OTOGL: variants seen among roughly 807,000 people sequenced by gnomAD.
OTOGL encodes the protein otogelin like, also known as otogelin-like protein.
Under a neutral mutation model 318.5 loss-of-function variants are expected in OTOGL, and 285 were observed. The ratio of observed to expected loss-of-function variants is 0.89; its 90% CI spans 0.81 to 0.99. The LOEUF is 0.99. Among genes scored for constraint, OTOGL ranks in the 50% least tolerant of loss-of-function variants. The pLI is 0.00. For missense variants in OTOGL, 2,899 were observed against 2,845.6 expected (o/e 1.02, Z -0.43); for synonymous variants, 987 against 936.5 (o/e 1.05, Z -0.99).
At chr12:80,137,007 A>T (rs1042418930) in intron 1 of OTOGL, among the ~76,000 whole-genome samples, 1 of 152,142 alleles carries the variant, frequency 6.6e-6, no homozygotes, top group African/African-American at 2.4e-5. Flanking sequence ...TGGCTGGATT[A>T]ATGCTGTCAG....
chr12:80,353,360 T>C lies in OTOGL; in HGVS notation c.5443T>C (p.Cys1815Arg). ...CCCAGAGGGGAAGGAATATCAACCC[T>C]GTGTGCGACCTTGTGAAGCAAGAAC... ...SCPEGKEYQP[C>R]VRPCEARTCL... The change falls in exon 46 of 59, where the codon TGT becomes CGT. Residue 1815 changes from cysteine (C) to arginine (R), a missense_variant. Cys to Arg is a radical substitution (Grantham distance 180, BLOSUM62 -3). This residue lies in a region of OTOGL where 2,607 missense variants were observed against 2,524.9 expected (regional missense o/e 1.03). Transcript: ENST00000547103. 1 of 1,595,430 alleles carries C rather than the reference T, an allele frequency of 6.3e-7. No individual in the cohort carries two copies. The highest frequency in any genetic ancestry group is 1.3e-5 in the African/African-American group (1 of 74,718).
intron 1 of OTOGL, among the ~76,000 whole-genome samples, chr12:80,193,197 A>G (rs550897167): frequency 3.3e-5 from 5 of 152,160 alleles, no homozygotes; most frequent in Non-Finnish European, 5.9e-5. Flanking sequence ...TAAACAGAAC[A>G]TAATTTAAAG....
chr12:80,264,259 T>C lies in OTOGL; in HGVS notation c.2015-742T>C, dbSNP rs188509670. On this transcript the variant is annotated intron_variant, in intron 19 of 58. Coordinates refer to ENST00000547103, the MANE Select transcript of OTOGL (RefSeq NM_001378609.3). ...TTGTTTTGTCAAACTTGGTTACTTCTATAAAGAATTATATCTGATCAGTCA... is the reference window on the plus strand; with the variant it reads ...TTGTTTTGTCAAACTTGGTTACTTCCATAAAGAATTATATCTGATCAGTCA... Among the ~76,000 whole-genome samples, 34 of 152,292 alleles carry C rather than the reference T, an allele frequency of 2.2e-4. No homozygotes were observed. In the East Asian group the frequency reaches 6.0e-3, roughly 27 times the overall value.
At position 80,313,516 on chromosome 12, in the gene OTOGL, C is replaced by A. The variant is rs778802367; in HGVS notation, c.3491C>A (p.Thr1164Lys). Residue 1164 changes from threonine to lysine, a missense_variant, in exon 31 of 59, where the codon ACA becomes AAA. Physicochemically the swap from Thr to Lys is moderately conservative, Grantham distance 78. Around this residue, in one of 3 missense-constraint regions of OTOGL, gnomAD observed 2,607 missense variants for 2,524.9 expected, o/e 1.03. Coordinates refer to ENST00000547103, the MANE Select transcript of OTOGL (RefSeq NM_001378609.3). ...TTTGCCAAAAATTGTCATGAAGATA[C>A]ATGTAACTGCAATCTTGGTGGCGAC... Reference protein sequence around the residue: ...TSFAKNCHEDTCNCNLGGDCE... With the variant: ...TSFAKNCHEDKCNCNLGGDCE... The A allele has an allele frequency of 6.2e-7, 1 of 1,612,272 alleles. No individual in the cohort carries two copies. The highest frequency in any genetic ancestry group is 1.1e-5 in the South Asian group (1 of 91,020).
At chr12:80,153,786 G>T (rs1404020564) in intron 1 of OTOGL, among the ~76,000 whole-genome samples, 1 of 152,060 alleles carries the variant, frequency 6.6e-6, no homozygotes, top group African/African-American at 2.4e-5. Flanking sequence ...TTCCCAGAAT[G>T]TCACATAGTT....
intron 29 of OTOGL, among the ~76,000 whole-genome samples, chr12:80,306,234 C>A (rs886414290): frequency 9.9e-5 from 15 of 152,138 alleles, no homozygotes; most frequent in African/African-American, 3.6e-4. Context: ...TCAAAGGTTT[C>A]TTGAGGCATT....
At chr12:80,287,074 C>G (rs547649094) in intron 26 of OTOGL, among the ~76,000 whole-genome samples, 2 of 152,014 alleles carry the variant, frequency 1.3e-5, no homozygotes, top group East Asian at 1.9e-4. Context: ...TTAGCTGTGT[C>G]CCAGAGATTC....
At chr12:80,182,564 A>T (rs1875000863) in intron 1 of OTOGL, among the ~76,000 whole-genome samples, 1 of 152,242 alleles carries the variant, frequency 6.6e-6, no homozygotes, top group South Asian at 2.1e-4. Flanking sequence ...GGCATAAATG[A>T]GAATAGGTGG....
At chr12:80,375,071 G>GC (rs1223287647) in intron 57 of OTOGL, among the ~76,000 whole-genome samples, 1 of 152,108 alleles carries the variant, frequency 6.6e-6, no homozygotes, top group Non-Finnish European at 1.5e-5. Flanking sequence ...AGCCACTTCA[G>GC]TTTCTCTCAT....
At chr12:80,288,620 C>T (rs1388754442) in intron 26 of OTOGL, among the ~76,000 whole-genome samples, 2 of 151,878 alleles carry the variant, frequency 1.3e-5, no homozygotes, top group African/African-American at 2.4e-5. Flanking sequence ...CTGATCTTGT[C>T]TTCACACTTT....
At position 80,278,284 on chromosome 12, in the gene OTOGL, A is replaced by T. The variant is rs1376384; in HGVS notation, c.2789+9A>T. On this transcript the variant is annotated intron_variant, in intron 25 of 58. Coordinates refer to ENST00000547103, the MANE Select transcript of OTOGL (RefSeq NM_001378609.3). ...ACACCGTGTTACACCTGGTAAGGAG[A>T]TCCATTTATTTCACAAATATTTTCC... The T allele has an allele frequency of 6.7e-7, 1 of 1,495,912 alleles. No individual in the cohort carries two copies. Among genetic ancestry groups the T allele is most frequent in the East Asian group, 2.5e-5 (1 of 40,550 alleles). The allele number at this position is 1,495,912 out of a possible 1,614,324, so 92.7% of individuals were successfully genotyped here. A position where few individuals can be genotyped will look rare whatever the true frequency, so the allele number is the denominator to read the frequency against.
chr12:80,100,621 T>C (rs1869082683), intron 1 of OTOGL, among the ~76,000 whole-genome samples: 1 of 152,154 alleles, frequency 6.6e-6, no homozygotes, highest in Admixed American at 6.6e-5. Context: ...ACTCTGTTAA[T>C]CTGTGTTTAG....
In OTOGL at chr12:80,265,148, A is replaced by C. The variant is rs775896067; in HGVS notation, c.2162A>C (p.Tyr721Ser). The change falls in exon 20 of 59, where the codon TAT becomes TCT. Residue 721 changes from tyrosine to serine, a missense_variant. Coordinates refer to ENST00000547103, the MANE Select transcript of OTOGL (RefSeq NM_001378609.3). ...TGCCTGTGCAATGCTCTTGCCCACT[A>C]TGCCTACCTCTGCGGCCAGCACGGT... is the stretch of plus-strand genomic sequence containing the variant. Reference protein sequence around the residue: ...SSCLCNALAHYAYLCGQHGVP... With the variant: ...SSCLCNALAHSAYLCGQHGVP... 1.2e-6 allele frequency: 2 copies of C among 1,613,766 alleles called. No individual in the cohort carries two copies. Among genetic ancestry groups the C allele is most frequent in the African/African-American group, 2.7e-5 (2 of 74,944 alleles).
At chr12:80,164,072 C>A (rs912163733) in intron 1 of OTOGL, among the ~76,000 whole-genome samples, 2 of 151,998 alleles carry the variant, frequency 1.3e-5, no homozygotes, top group African/African-American at 4.8e-5. Context: ...AATAGGGTAC[C>A]CAAAATCTTG....
At chr12:80,367,813 G>A in intron 54 of OTOGL, 74 bp downstream of exon 54, 1 of 998,640 alleles carries the variant, frequency 1.0e-6, no homozygotes. Flanking sequence ...AATTTGAAAT[G>A]GTGAATACTC....
In OTOGL at chr12:80,320,533, G is replaced by C; in HGVS notation, c.3914G>C (p.Arg1305Pro). 1 of 1,613,530 alleles carries C rather than the reference G, an allele frequency of 6.2e-7. No individual in the cohort carries two copies. The highest frequency in any genetic ancestry group is 8.5e-7 in the Non-Finnish European group (1 of 1,179,696). ...ELWEANSAFH[R>P]RATFFHHQGL... ...TGGGAGGCGAATTCAGCCTTTCATC[G>C]GAGAGCAACATTTTTCCACCATCAG... The change falls in exon 34 of 59, where the codon CGG becomes CCG. Residue 1305 changes from arginine (R) to proline (P), a missense_variant. Transcript: ENST00000547103.
chr12:80,136,532 ACT>A (rs1260368916), intron 1 of OTOGL, among the ~76,000 whole-genome samples: 1 of 151,774 alleles, frequency 6.6e-6, no homozygotes, highest in Non-Finnish European at 1.5e-5. Flanking sequence ...CTCTTGTACT[ACT>A]CTGTTTCTAG....
At chr12:80,149,488 A>G (rs989333052) in intron 1 of OTOGL, among the ~76,000 whole-genome samples, 13 of 152,174 alleles carry the variant, frequency 8.5e-5, no homozygotes, top group African/African-American at 3.1e-4. Context: ...AGACAGGGAC[A>G]TTTAAGTCTG....
chr12:80,334,459 G>A (rs1426366695), intron 38 of OTOGL, among the ~76,000 whole-genome samples: 1 of 152,052 alleles, frequency 6.6e-6, no homozygotes, highest in African/African-American at 2.4e-5. Context: ...AGTATATATA[G>A]GTCATGCTAA....
Sources: gnomAD v4.1 joint callset for allele counts (sites outside exome capture counted in the v4.1 genomes callset) on GRCh38, gnomAD v4.1.1 for gene constraint, gnomAD v4.1.1 regional missense constraint, MANE v1.5 for transcripts, NCBI Gene and HGNC (gene_info 2026-07-23, HGNC 2026-07-21) for gene names.